The following DNER variants were observed in gnomAD, a reference collection of about 807,000 sequenced individuals.
DNER encodes the protein delta and Notch-like epidermal growth factor-related receptor.
DNER carries 33 observed loss-of-function variants against 78.2 expected under a neutral mutation model. That is an observed-to-expected ratio of 0.42 (90% confidence interval 0.32 to 0.56). The LOEUF is 0.56. Ranked by LOEUF, DNER falls within the 20% of genes least tolerant of loss-of-function variation. DNER has a pLI of 0.11. For synonymous variants in DNER, 417 were observed against 384.8 expected (o/e 1.08, Z -0.98); for missense variants, 918 against 975.3 (o/e 0.94, Z 0.78).
chr2:229,388,127 C>T, intron 11 of DNER, 138 bp downstream of exon 11: 1 of 1,273,962 alleles, frequency 7.8e-7, no homozygotes, highest in Non-Finnish European at 1.0e-6. Flanking sequence ...CTCCGGTTGT[C>T]CCTCTGGGAC....
chr2:229,430,166 T>G (rs1414176514), intron 8 of DNER, among the ~76,000 whole-genome samples: 2 of 152,216 alleles, frequency 1.3e-5, no homozygotes, highest in Admixed American at 1.3e-4. Context: ...CTTCCAAAAT[T>G]GACAATTGTT....
chr2:229,482,828 T>C (rs796547396), intron 6 of DNER, among the ~76,000 whole-genome samples: 52 of 152,204 alleles, frequency 3.4e-4, no homozygotes, highest in African/African-American at 9.9e-4. Flanking sequence ...GGTTTAGAAA[T>C]AAATTGCACA....
intron 4 of DNER, 32 bp downstream of exon 4, chr2:229,585,826 G>A (rs2154214443): frequency 6.2e-7 from 1 of 1,612,290 alleles, no homozygotes; most frequent in Middle Eastern, 1.7e-4. Flanking sequence ...TGAATCAGAT[G>A]CAGTGTTGAG....
chr2:229,621,811 C>T (rs998904387), intron 1 of DNER, among the ~76,000 whole-genome samples: 1 of 152,154 alleles, frequency 6.6e-6, no homozygotes, highest in African/African-American at 2.4e-5. Flanking sequence ...AAGGGCCGGG[C>T]GCAGTGGCTC....
intron 10 of DNER, among the ~76,000 whole-genome samples, chr2:229,396,529 G>A (rs1693148712): frequency 6.6e-6 from 1 of 152,108 alleles, no homozygotes; most frequent in Non-Finnish European, 1.5e-5. Flanking sequence ...ATTCCACAGT[G>A]GTCACATGGT....
chr2:229,380,313 C>A (rs1692707495), intron 11 of DNER, among the ~76,000 whole-genome samples: 1 of 152,150 alleles, frequency 6.6e-6, no homozygotes, highest in Non-Finnish European at 1.5e-5. Flanking sequence ...AGAGAGCAGA[C>A]AGATCAGGCC....
intron 10 of DNER, among the ~76,000 whole-genome samples, chr2:229,402,379 C>T (rs1693285924): frequency 6.6e-6 from 1 of 152,090 alleles, no homozygotes; most frequent in South Asian, 2.1e-4. Flanking sequence ...CAAATAACCA[C>T]ATGAAAGATG....
chr2:229,588,451 T>C lies in DNER; in HGVS notation c.623A>G (p.Asn208Ser). 1.2e-6 allele frequency: 2 copies of C among 1,613,808 alleles called. No individual in the cohort carries two copies. Among genetic ancestry groups the C allele is most frequent in the Admixed American group, 1.7e-5 (1 of 59,990 alleles). ...TACCAGGCGGCCACCCGCAGAGCTG[T>C]TAGAACTGGCATTCCCACAGGCAAT... ...PDIACGNASS[N>S]SSAGGRLVSF... is the part of the protein sequence containing the mutation. Residue 208 changes from asparagine (N) to serine (S), a missense_variant, in exon 3 of 13, where the codon AAC becomes AGC. Asn to Ser is a conservative substitution (Grantham distance 46, BLOSUM62 1). Transcript: ENST00000341772.
chr2:229,407,938 C>T (rs147393337), intron 9 of DNER, among the ~76,000 whole-genome samples: 4 of 152,114 alleles, frequency 2.6e-5, no homozygotes, highest in African/African-American at 9.7e-5. Flanking sequence ...AGGAAAGAGT[C>T]GAAGATCACA....
At chr2:229,712,516 T>C (rs77263106) in intron 1 of DNER, among the ~76,000 whole-genome samples, 6,681 of 152,252 alleles carry the variant, frequency 0.044, 441 homozygotes, top group African/African-American at 0.14. Flanking sequence ...AACTATTTCT[T>C]TGAAGGATAA....
Position 229,375,655 on chromosome 2 carries a change from A to G in DNER, c.1856-8536T>C, listed in dbSNP as rs142711935. On this transcript the variant is annotated intron_variant, in intron 11 of 12. Coordinates refer to ENST00000341772, the MANE Select transcript of DNER (RefSeq NM_139072.4). ...AATGAAATGCTCATGAAAAGTTAAA[A>G]GATAATCACCAACCAAAATCAAAAT... Among the ~76,000 whole-genome samples, 338 of 152,358 alleles carry G rather than the reference A, an allele frequency of 2.2e-3. 2 individuals are homozygous for G. Among genetic ancestry groups the G allele is most frequent in the African/African-American group, 7.8e-3 (324 of 41,594 alleles).
chr2:229,626,774 T>C (rs1479824161), intron 1 of DNER, among the ~76,000 whole-genome samples: 1 of 152,246 alleles, frequency 6.6e-6, no homozygotes, highest in East Asian at 1.9e-4. Flanking sequence ...AAATATCAAG[T>C]CATTTAAGTT....
intron 1 of DNER, among the ~76,000 whole-genome samples, chr2:229,625,997 G>A (rs1698336337): frequency 6.6e-6 from 1 of 151,864 alleles, no homozygotes; most frequent in Non-Finnish European, 1.5e-5. Context: ...TCGGCTCACT[G>A]CAAGCTCCGC....
At chr2:229,482,984 G>C (rs1695197907) in intron 6 of DNER, among the ~76,000 whole-genome samples, 3 of 152,200 alleles carry the variant, frequency 2.0e-5, no homozygotes, top group Admixed American at 1.3e-4. Flanking sequence ...TACAACCTTA[G>C]TGGGAGTTAC....
chr2:229,614,585 C>A (rs1698117480), intron 1 of DNER, among the ~76,000 whole-genome samples: 1 of 152,174 alleles, frequency 6.6e-6, no homozygotes. Flanking sequence ...AAGGAGGTAG[C>A]TCTGTATGCC....
At chr2:229,684,165 A>T (rs990489409) in intron 1 of DNER, among the ~76,000 whole-genome samples, 1,544 of 116,808 alleles carry the variant, frequency 0.013, 22 homozygotes, top group African/African-American at 0.038. Flanking sequence ...AGAGAGAGAG[A>T]GAGAGTGTGT....
At chr2:229,681,859 CACACACAA>C (rs1469849003) in intron 1 of DNER, among the ~76,000 whole-genome samples, 17 of 151,646 alleles carry the variant, frequency 1.1e-4, no homozygotes, top group Admixed American at 7.9e-4. Context: ...CACACACACA[CACACACAA>C]ATGTATCGTA....
At chr2:229,374,137 C>T (rs1559334210) in intron 11 of DNER, among the ~76,000 whole-genome samples, 2 of 152,018 alleles carry the variant, frequency 1.3e-5, no homozygotes, top group African/African-American at 4.8e-5. Context: ...CAGTGAACTC[C>T]AGCCTGGGTG....
chr2:229,365,774 T>A (rs998663731), intron 12 of DNER, among the ~76,000 whole-genome samples: 1 of 152,124 alleles, frequency 6.6e-6, no homozygotes, highest in South Asian at 2.1e-4. Context: ...ACATAGGACA[T>A]CCCAAGATAG....
Sources: gnomAD v4.1 joint callset for allele counts (sites outside exome capture counted in the v4.1 genomes callset) on GRCh38, gnomAD v4.1.1 for gene constraint, MANE v1.5 for transcripts, NCBI Gene and HGNC (gene_info 2026-07-23, HGNC 2026-07-21) for gene names.